NCKAP5: variants seen among roughly 807,000 people sequenced by gnomAD.
NCKAP5 encodes NCK associated protein 5.
A neutral mutation model predicts 167.0 loss-of-function variants in NCKAP5; 92 were observed. The ratio of observed to expected loss-of-function variants is 0.55; its 90% CI spans 0.47 to 0.66. The LOEUF is 0.66. Ranked by LOEUF, NCKAP5 falls within the 30% of genes least tolerant of loss-of-function variation. The pLI is 0.00. For synonymous variants in NCKAP5, 891 were observed against 877.4 expected, an observed-to-expected ratio of 1.02 and a Z score of -0.27; for missense variants, 2,378 against 2,315.0, an observed-to-expected ratio of 1.03 and a Z score of -0.56.
chr2:133,491,896 G>A (rs1284407884), intron 3 of NCKAP5, among the ~76,000 whole-genome samples: 1 of 152,200 alleles, frequency 6.6e-6, no homozygotes, highest in Admixed American at 6.5e-5. Context: ...AGAAGCTTGT[G>A]AAAATATGTA....
At chr2:132,680,450 A>G (rs907111532) in intron 19 of NCKAP5, among the ~76,000 whole-genome samples, 1 of 152,154 alleles carries the variant, frequency 6.6e-6, no homozygotes, top group Non-Finnish European at 1.5e-5. Flanking sequence ...ATGGTCCTCA[A>G]TGACCTCTCC....
chr2:132,774,829 T>C (rs1030342435), intron 15 of NCKAP5, among the ~76,000 whole-genome samples: 1 of 152,204 alleles, frequency 6.6e-6, no homozygotes, highest in African/African-American at 2.4e-5. Flanking sequence ...GCAGGTGCTA[T>C]GGTTAGCTTT....
chr2:132,852,307 A>G (rs975462648), intron 11 of NCKAP5, among the ~76,000 whole-genome samples: 1 of 152,248 alleles, frequency 6.6e-6, no homozygotes, highest in Non-Finnish European at 1.5e-5. Flanking sequence ...TTGTGAATTT[A>G]CACTTCAATC....
At chr2:132,946,632 C>T (rs916359893) in intron 8 of NCKAP5, among the ~76,000 whole-genome samples, 3 of 152,144 alleles carry the variant, frequency 2.0e-5, no homozygotes, top group Non-Finnish European at 2.9e-5. Context: ...TGCTGTGGCT[C>T]ACACCGGTAA....
At chr2:133,663,884 A>G in the NCKAP5 span, among the ~76,000 whole-genome samples, 1 of 152,122 alleles carries the variant, frequency 6.6e-6, no homozygotes, top group Admixed American at 6.5e-5. Flanking sequence ...TCTTATTGGC[A>G]TCTAGAATGG....
intron 8 of NCKAP5, among the ~76,000 whole-genome samples, chr2:132,933,743 A>G (rs1696620828): frequency 3.9e-5 from 6 of 152,184 alleles, no homozygotes; most frequent in Admixed American, 3.9e-4. Context: ...GGTATTTAGG[A>G]TTTACATATA....
chr2:133,508,973 C>T (rs528531260), intron 3 of NCKAP5, among the ~76,000 whole-genome samples: 7 of 152,246 alleles, frequency 4.6e-5, no homozygotes, highest in South Asian at 4.2e-4. Flanking sequence ...GTGATCTCAG[C>T]GACAACAAGG....
intron 4 of NCKAP5, among the ~76,000 whole-genome samples, chr2:133,302,658 C>T (rs1680466329): frequency 1.5e-5 from 2 of 137,202 alleles, no homozygotes; most frequent in African/African-American, 2.8e-5. Flanking sequence ...GGATGGATAG[C>T]ATTGGGAGAT....
chr2:132,835,052 C>T (rs1687792136), intron 11 of NCKAP5, among the ~76,000 whole-genome samples: 1 of 151,876 alleles, frequency 6.6e-6, no homozygotes, highest in Non-Finnish European at 1.5e-5. Context: ...CATTTTTTTT[C>T]TGCATCTATT....
At chr2:132,907,529 G>A (rs1319593957) in intron 8 of NCKAP5, among the ~76,000 whole-genome samples, 2 of 152,152 alleles carry the variant, frequency 1.3e-5, no homozygotes, top group Non-Finnish European at 2.9e-5. Context: ...TACTTCCTAT[G>A]TCACCTGCCT....
the NCKAP5 span, among the ~76,000 whole-genome samples, chr2:133,671,349 C>T: frequency 6.6e-6 from 1 of 151,912 alleles, no homozygotes; most frequent in East Asian, 1.9e-4. Flanking sequence ...CTGTCCCCTC[C>T]AAAACTCATA....
At chr2:132,778,674 G>C (rs7568532) in intron 15 of NCKAP5, among the ~76,000 whole-genome samples, 92,689 of 152,024 alleles carry the variant, frequency 0.61, 29,900 homozygotes, top group East Asian at 0.88. Context: ...TTGCAACACA[G>C]TTTAAAATAA....
At chr2:133,387,203 T>G (rs948956085) in intron 3 of NCKAP5, among the ~76,000 whole-genome samples, 6 of 152,214 alleles carry the variant, frequency 3.9e-5, no homozygotes, top group Non-Finnish European at 5.9e-5. Context: ...CTTTCCATGT[T>G]TAGTGCTTCC....
chr2:132,848,018 A>G (rs1316182612), intron 11 of NCKAP5, among the ~76,000 whole-genome samples: 2 of 152,204 alleles, frequency 1.3e-5, no homozygotes, highest in Admixed American at 6.5e-5. Flanking sequence ...AACCAGGGTA[A>G]AGACTCAGAT....
intron 4 of NCKAP5, among the ~76,000 whole-genome samples, chr2:133,242,520 A>T (rs552390616): frequency 6.6e-6 from 1 of 152,308 alleles, no homozygotes; most frequent in South Asian, 2.1e-4. Context: ...CACCCTTCTT[A>T]CTTGGATTGT....
intron 4 of NCKAP5, among the ~76,000 whole-genome samples, chr2:133,248,250 G>A (rs945568608): frequency 1.3e-5 from 2 of 152,132 alleles, no homozygotes; most frequent in African/African-American, 4.8e-5. Flanking sequence ...GCCTCTGTTT[G>A]GGACTATTTA....
At chr2:133,310,827 T>C (rs560089481) in intron 3 of NCKAP5, among the ~76,000 whole-genome samples, 2 of 152,324 alleles carry the variant, frequency 1.3e-5, no homozygotes, top group African/African-American at 2.4e-5. Flanking sequence ...GATTAGGCTA[T>C]AAGTGGTCTT....
At chr2:132,875,814 G>C (rs1172885786) in intron 9 of NCKAP5, among the ~76,000 whole-genome samples, 2 of 152,184 alleles carry the variant, frequency 1.3e-5, no homozygotes, top group East Asian at 3.9e-4. Context: ...GATGAGATAG[G>C]GAGCAGTAGC....
chr2:133,374,227 G>T (rs965186208), intron 3 of NCKAP5, among the ~76,000 whole-genome samples: 4 of 152,168 alleles, frequency 2.6e-5, no homozygotes, highest in Admixed American at 6.5e-5. Context: ...AACCTTAAAT[G>T]CATAGTACTA....
Sources: gnomAD v4.1 joint callset for allele counts (sites outside exome capture counted in the v4.1 genomes callset) on GRCh38, gnomAD v4.1.1 for gene constraint, MANE v1.5 for transcripts, NCBI Gene and HGNC (gene_info 2026-07-23, HGNC 2026-07-21) for gene names.